Variants in TSHZ3 observed in about 807,000 individuals in gnomAD.
TSHZ3 encodes the protein teashirt homolog 3.
Under a neutral mutation model 64.5 loss-of-function variants are expected in TSHZ3, and 10 were observed. That is an observed-to-expected ratio of 0.16 (90% CI 0.10 to 0.26). TSHZ3 has a LOEUF of 0.26. TSHZ3 is among the 10% of genes least tolerant of loss of function. The pLI is 1.00. For missense variants in TSHZ3, 1,242 were observed against 1,421.7 expected, an observed-to-expected ratio of 0.87 and a Z score of 2.03; for synonymous variants, 608 against 593.1, an observed-to-expected ratio of 1.03 and a Z score of -0.36.
At chr19:31,339,373 C>T (rs1917358656) in intron 1 of TSHZ3, among the ~76,000 whole-genome samples, 1 of 152,052 alleles carries the variant, frequency 6.6e-6, no homozygotes, top group South Asian at 2.1e-4. Context: ...ACCCGCCACG[C>T]CACGCACCCA....
At chr19:31,215,727 C>T (rs1021898076) in intron 4 of TSHZ3, among the ~76,000 whole-genome samples, 5 of 152,002 alleles carry the variant, frequency 3.3e-5, no homozygotes, top group Admixed American at 6.6e-5. Flanking sequence ...AAAAATTAGC[C>T]GGGCATAGTG....
At chr19:31,344,799 C>T (rs937587831) in intron 1 of TSHZ3, among the ~76,000 whole-genome samples, 1 of 152,210 alleles carries the variant, frequency 6.6e-6, no homozygotes, top group Non-Finnish European at 1.5e-5. Context: ...TTTCCCACAG[C>T]CCTGAGCAGT....
intron 6 of TSHZ3, among the ~76,000 whole-genome samples, chr19:31,155,130 C>G (rs1329264406): frequency 1.3e-5 from 2 of 152,202 alleles, no homozygotes; most frequent in Non-Finnish European, 2.9e-5. Flanking sequence ...GCTAGCGAAC[C>G]AATCACCTGC....
At chr19:31,283,142 C>T (rs1004769902) in intron 1 of TSHZ3, among the ~76,000 whole-genome samples, 4 of 152,020 alleles carry the variant, frequency 2.6e-5, no homozygotes, top group Admixed American at 6.6e-5. Context: ...AGACCACCTT[C>T]GGCAACATGG....
Position 31,234,009 on chromosome 19 carries a change from G to GCTT in TSHZ3, n.551-5870_551-5869insAAG, listed in dbSNP as rs1975575179. 4.0e-5 allele frequency among the ~76,000 whole-genome samples: 6 copies of GCTT among 149,746 alleles called. No individual in the cohort carries two copies. The South Asian group carries it at 1.3e-3, about 32-fold the overall frequency. On this transcript the variant is annotated intron_variant and non_coding_transcript_variant, in intron 3 of 6. Coordinates refer to the TSHZ3 transcript ENST00000651361. ...ATCTATAAGTCAGTTTGGGTACAAA[G>GCTT]AACATCTTAACACTATCTAGTCTTC... is the stretch of plus-strand genomic sequence containing the variant.
intron 1 of TSHZ3, among the ~76,000 whole-genome samples, chr19:31,291,160 A>G (rs1386949131): frequency 6.6e-6 from 1 of 152,188 alleles, no homozygotes; most frequent in East Asian, 1.9e-4. Flanking sequence ...GAGGCTTCCC[A>G]GAACACCTCC....
At position 31,277,364 on chromosome 19, in the gene TSHZ3, G is replaced by A; in HGVS notation, c.2429C>T (p.Pro810Leu). 2 of 1,614,112 alleles carry A rather than the reference G, an allele frequency of 1.2e-6. No individual in the cohort carries two copies. The highest frequency in any genetic ancestry group is 1.7e-6 in the Non-Finnish European group (2 of 1,179,954). The change falls in exon 2 of 2, where the codon CCC (proline) becomes CTC (leucine). Residue 810 changes from proline to leucine, a missense_variant. Coordinates refer to ENST00000240587, the MANE Select transcript of TSHZ3 (RefSeq NM_020856.4). The surrounding 1 kb of genome is among the most constrained non-coding windows in gnomAD (Gnocchi z 4.5). ...GCSLGSVLLS[P>L]TSTAPATSSS... Reference sequence around the variant, plus strand: ...GGAGGTTGCCGGGGCTGTGGACGTGGGTGACAGAAGCACTGAACCCAAGGA... The same window carrying A: ...GGAGGTTGCCGGGGCTGTGGACGTGAGTGACAGAAGCACTGAACCCAAGGA...
intron 4 of TSHZ3, among the ~76,000 whole-genome samples, chr19:31,223,927 G>C (rs765733509): frequency 6.6e-6 from 1 of 152,128 alleles, no homozygotes; most frequent in Non-Finnish European, 1.5e-5. Flanking sequence ...GAAGTTGAAG[G>C]GTGTTTACTC....
chr19:31,250,088 G>C (rs932367485), intron 1 of TSHZ3, among the ~76,000 whole-genome samples: 9 of 152,196 alleles, frequency 5.9e-5, no homozygotes, highest in African/African-American at 2.2e-4. Flanking sequence ...CACACCTGTC[G>C]AGTGAACACA....
In TSHZ3 at chr19:31,277,719, T is replaced by C; in HGVS notation, c.2074A>G (p.Lys692Glu). The change falls in exon 2 of 2, where the codon AAG becomes GAG. Residue 692 changes from lysine to glutamate, a missense_variant. This residue lies in a region of TSHZ3 where 550 missense variants were observed against 545.1 expected (regional missense o/e 1.01). Coordinates refer to ENST00000240587, the MANE Select transcript of TSHZ3 (RefSeq NM_020856.4). The surrounding 1 kb of genome is among the most constrained non-coding windows in gnomAD (Gnocchi z 4.5). ...CTGGCTAGGGGCTTCACCAGCTCCT[T>C]GCCATTCTCCACCGGCTCAGCGAGG... ...SPLAEPVENG[K>E]ELVKPLASSL... is the part of the protein sequence containing the mutation. 1 of 1,523,066 alleles carries C rather than the reference T, an allele frequency of 6.6e-7. No homozygotes were observed. 94.3% of individuals were successfully genotyped at this position (1,523,066 alleles called of 1,614,324 possible).
intron 4 of TSHZ3, among the ~76,000 whole-genome samples, chr19:31,212,141 G>A (rs1466157833): frequency 6.6e-6 from 1 of 151,702 alleles, no homozygotes; most frequent in Non-Finnish European, 1.5e-5. Context: ...TTGAGTTAGT[G>A]TAATTTGTTA....
At chr19:31,295,607 T>C (rs1976647868) in intron 1 of TSHZ3, among the ~76,000 whole-genome samples, 1 of 152,072 alleles carries the variant, frequency 6.6e-6, no homozygotes, top group South Asian at 2.1e-4. Context: ...GCAGTTACCC[T>C]TTGGAGGTGG....
chr19:31,207,606 TG>T (rs1311895709), intron 4 of TSHZ3: 1 of 152,200 alleles, frequency 6.6e-6, no homozygotes, highest in African/African-American at 2.4e-5. Context: ...AGAACTAACA[TG>T]TCTAATATTA....
At chr19:31,324,041 G>A (rs1916860483) in intron 1 of TSHZ3, among the ~76,000 whole-genome samples, 1 of 152,048 alleles carries the variant, frequency 6.6e-6, no homozygotes, top group African/African-American at 2.4e-5. Flanking sequence ...AAAAGCAGGA[G>A]GAAAAAACGT....
At chr19:31,344,757 T>C (rs113700493) in intron 1 of TSHZ3, among the ~76,000 whole-genome samples, 5 of 152,382 alleles carry the variant, frequency 3.3e-5, no homozygotes, top group African/African-American at 1.2e-4. Context: ...GGAATGGTTT[T>C]AATTCTCTCA....
chr19:31,223,259 A>C (rs1975413891), intron 4 of TSHZ3, among the ~76,000 whole-genome samples: 1 of 152,182 alleles, frequency 6.6e-6, no homozygotes, highest in East Asian at 1.9e-4. Flanking sequence ...TTAAGTCTTT[A>C]AGGCTTATCT....
At chr19:31,295,610 G>A (rs1314005262) in intron 1 of TSHZ3, among the ~76,000 whole-genome samples, 1 of 152,130 alleles carries the variant, frequency 6.6e-6, no homozygotes, top group Non-Finnish European at 1.5e-5. Context: ...GTTACCCTTT[G>A]GAGGTGGTGG....
At chr19:31,291,746 C>T (rs980612950) in intron 1 of TSHZ3, among the ~76,000 whole-genome samples, 3 of 152,168 alleles carry the variant, frequency 2.0e-5, no homozygotes, top group African/African-American at 7.2e-5. Context: ...TGGTGGAAGC[C>T]CGCACCTGTC....
chr19:31,303,623 C>T (rs564043270), intron 1 of TSHZ3, among the ~76,000 whole-genome samples: 33 of 152,272 alleles, frequency 2.2e-4, no homozygotes, highest in African/African-American at 5.5e-4. Flanking sequence ...TGCCCCGACC[C>T]CGCCCCATCT....
Sources: allele counts gnomAD v4.1 joint callset (sites outside exome capture counted in the v4.1 genomes callset), GRCh38; gene constraint gnomAD v4.1.1; regional missense constraint gnomAD v4.1.1; non-coding constraint Gnocchi (gnomAD v3.1); transcripts MANE v1.5; gene names NCBI Gene and HGNC (gene_info 2026-07-23, HGNC 2026-07-21).